The following PWWP2A variants were observed in gnomAD, a reference collection of about 807,000 sequenced individuals.
PWWP2A encodes PWWP domain containing 2A.
PWWP2A carries 18 observed loss-of-function variants against 48.5 expected under a neutral mutation model. That is an observed-to-expected ratio of 0.37 (90% CI 0.26 to 0.55). The LOEUF is 0.55. Among genes scored for constraint, PWWP2A ranks in the 20% least tolerant of loss-of-function variants. The probability of loss-of-function intolerance (pLI) is 0.81; values close to 1 mark genes in which losing one functional copy is unlikely to be tolerated. For missense variants in PWWP2A, 867 were observed against 976.4 expected (o/e 0.89, Z 1.49); for synonymous variants, 396 against 387.7 (o/e 1.02, Z -0.25).
At chr5:160,110,334 G>C (rs1188034805) in intron 1 of PWWP2A, among the ~76,000 whole-genome samples, 1 of 152,088 alleles carries the variant, frequency 6.6e-6, no homozygotes, top group African/African-American at 2.4e-5. Flanking sequence ...AATATTTGAT[G>C]ATATAAAAGG....
chr5:160,102,033 C>A (rs1756360238), intron 1 of PWWP2A, among the ~76,000 whole-genome samples: 1 of 151,328 alleles, frequency 6.6e-6, no homozygotes, highest in Admixed American at 6.6e-5. Flanking sequence ...TCACTTGAAT[C>A]CAGGAGGCAG....
intron 1 of PWWP2A, chr5:160,116,558 A>C (rs888330807): frequency 2.4e-6 from 1 of 415,794 alleles, no homozygotes; most frequent in East Asian, 1.6e-4. Context: ...CCAACAAAAG[A>C]AATTGCTGTT....
At position 160,119,316 on chromosome 5, in the gene PWWP2A, G is replaced by T. The variant is rs1323635909; in HGVS notation, c.73C>A (p.Pro25Thr). 3 of 1,387,722 alleles carry T rather than the reference G, an allele frequency of 2.2e-6. No individual in the cohort carries two copies. Among genetic ancestry groups the T allele is most frequent in the African/African-American group, 1.5e-5 (1 of 65,568 alleles). 86.0% of individuals were successfully genotyped at this position (1,387,722 alleles called of 1,614,324 possible). A position where few individuals can be genotyped will look rare whatever the true frequency, so the allele number is the denominator to read the frequency against. Residue 25 changes from proline to threonine, a missense_variant, in exon 1 of 2, where the codon CCG (proline) becomes ACG (threonine). Physicochemically the swap from Pro to Thr is conservative, Grantham distance 38. Coordinates refer to ENST00000307063, the MANE Select transcript of PWWP2A (RefSeq NM_001130864.2). ...PGEGGAGEAE[P>T]EMEPIPGSEA... is the part of the protein sequence containing the mutation. ...CTGCCGGGGATGGGCTCCATCTCCG[G>T]CTCGGCCTCGCCGGCGCCCCCCTCC...
intron 2 of PWWP2A, among the ~76,000 whole-genome samples, chr5:160,068,164 G>C (rs1163238927): frequency 6.6e-6 from 1 of 152,022 alleles, no homozygotes; most frequent in East Asian, 1.9e-4. Context: ...CTAGGTGACA[G>C]AGCAAGCCTC....
At chr5:160,114,570 C>T (rs927161896) in intron 1 of PWWP2A, among the ~76,000 whole-genome samples, 1 of 151,986 alleles carries the variant, frequency 6.6e-6, no homozygotes, top group Admixed American at 6.6e-5. Flanking sequence ...CAAAGACCAG[C>T]CTGGCCAACA....
At chr5:160,082,286 T>C (rs943918479) in intron 2 of PWWP2A, among the ~76,000 whole-genome samples, 5 of 151,402 alleles carry the variant, frequency 3.3e-5, no homozygotes, top group African/African-American at 1.2e-4. Context: ...CTACTAAAAA[T>C]ACAAAAAATT....
Position 160,078,097 on chromosome 5 carries a change from C to T in PWWP2A, c.*58G>A. The T allele has an allele frequency of 1.4e-6, 2 of 1,447,370 alleles. No homozygotes were observed. The highest frequency in any genetic ancestry group is 2.4e-5 in the South Asian group (2 of 81,922). The allele number at this position is 1,447,370 out of a possible 1,614,324, so 89.7% of individuals were successfully genotyped here. A position where few individuals can be genotyped will look rare whatever the true frequency, so the allele number is the denominator to read the frequency against. On this transcript the variant is annotated 3_prime_UTR_variant, in exon 4 of 4. Coordinates refer to the PWWP2A transcript ENST00000456329. This position sits in a 1 kb window ranked among gnomAD's most constrained non-coding sequence, Gnocchi z 4.2. ...TTAAAAACTCCAATTTCATTCAGTC[C>T]TGATGCTCTGGTGTTCTCTGTGTCA...
chr5:160,090,268 T>C (rs1033973664), downstream of PWWP2A: 5 of 985,390 alleles, frequency 5.1e-6, no homozygotes, highest in Non-Finnish European at 6.0e-6. Flanking sequence ...ATATCAGTAA[T>C]GTCTACTTCA....
In PWWP2A at chr5:160,093,903, G is replaced by A. The variant is rs760989394; in HGVS notation, c.747C>T (p.Pro249=). Residue 249 remains proline, a synonymous_variant, in exon 2 of 2, where the codon CCC becomes CCT. Coordinates refer to ENST00000307063, the MANE Select transcript of PWWP2A (RefSeq NM_001130864.2). The surrounding 1 kb of genome is among the most constrained non-coding windows in gnomAD (Gnocchi z 5.8). ...ACAGGCTTTCAGCCAAGCTCAGCTC[G>A]GGATGCGGGACAGGAGAAGGGTCAT... ...VPDDPSPVPH[P]ELSLAESLWT... is the part of the protein sequence containing the mutation. 3.2e-5 allele frequency: 52 copies of A among 1,613,916 alleles called. No individual in the cohort carries two copies. The highest frequency in any genetic ancestry group is 4.1e-5 in the Non-Finnish European group (48 of 1,179,902).
At chr5:160,070,422 A>G (rs1489333682) in intron 2 of PWWP2A, among the ~76,000 whole-genome samples, 2 of 152,160 alleles carry the variant, frequency 1.3e-5, no homozygotes, top group East Asian at 1.9e-4. Flanking sequence ...GCAGTGAGCT[A>G]TGACCGAGCC....
Position 160,077,511 on chromosome 5 carries a change from T to C in PWWP2A, c.*644A>G, listed in dbSNP as rs1426989889. The C allele has an allele frequency of 2.0e-5, 3 of 152,188 alleles. No individual in the cohort carries two copies. Among genetic ancestry groups the C allele is most frequent in the Admixed American group, 2.0e-4 (3 of 15,278 alleles). The allele number at this position is 152,188 out of a possible 1,614,324, so 9.4% of individuals were successfully genotyped here. On this transcript the variant is annotated 3_prime_UTR_variant, in exon 4 of 4. Coordinates refer to the PWWP2A transcript ENST00000456329. This position sits in a 1 kb window ranked among gnomAD's most constrained non-coding sequence, Gnocchi z 4.2. ...CTTAATATGTTCTAACAAGCAAACA[T>C]ATATTCAAGATAATACAGCCCTGCT...
In PWWP2A at chr5:160,078,784, T is replaced by G. The variant is rs1179393087; in HGVS notation, c.1670-616A>C. On this transcript the variant is annotated intron_variant, in intron 3 of 3. Coordinates refer to the PWWP2A transcript ENST00000456329. This position sits in a 1 kb window ranked among gnomAD's most constrained non-coding sequence, Gnocchi z 4.2. The stretch of plus-strand genomic sequence containing the variant: ...CATTTTGATACTAGAAGACAACACA[T>G]GTACACTGGTTAGACGGACCAGTAT... Among the ~76,000 whole-genome samples the G allele has an allele frequency of 2.0e-5, 3 of 152,136 alleles. No homozygotes were observed. Among genetic ancestry groups the G allele is most frequent in the African/African-American group, 7.2e-5 (3 of 41,424 alleles).
In PWWP2A at chr5:160,064,725, G is replaced by A. The variant is rs531775076; in HGVS notation, c.*237-1052C>T. ...ATCTATGCAAGCACAGGCTGAGGGT[G>A]GATGGCATTAAAGTGACTGCACTGC... On this transcript the variant is annotated intron_variant and NMD_transcript_variant, in intron 4 of 5. Coordinates refer to the PWWP2A transcript ENST00000524050. Among the ~76,000 whole-genome samples the A allele has an allele frequency of 2.6e-5, 4 of 152,320 alleles. No individual in the cohort carries two copies. The East Asian group carries it at 7.7e-4, about 29-fold the overall frequency.
intron 1 of PWWP2A, among the ~76,000 whole-genome samples, chr5:160,100,760 T>A (rs973464720): frequency 3.3e-5 from 5 of 152,248 alleles, no homozygotes; most frequent in African/African-American, 4.8e-5. Context: ...CATCTCTTTG[T>A]GAGACTGGTT....
chr5:160,067,657 A>G (rs112748544), intron 2 of PWWP2A, among the ~76,000 whole-genome samples: 2 of 152,336 alleles, frequency 1.3e-5, no homozygotes, highest in African/African-American at 4.8e-5. Context: ...GGGTGGGCCA[A>G]GCAGTGCATT....
At chr5:160,109,774 A>AAAATATATATATAT (rs1554104831) in intron 1 of PWWP2A, among the ~76,000 whole-genome samples, 2 of 25,226 alleles carry the variant, frequency 7.9e-5, no homozygotes, top group African/African-American at 3.0e-4. Flanking sequence ...AAAAAAAAAA[A>AAAATATATATATAT]ATATATATAT....
rs1758448291 is a variant in PWWP2A at position 160,119,060 on chromosome 5, C to A, written c.329G>T (p.Gly110Val). The change falls in exon 1 of 2, where the codon GGG becomes GTG. Residue 110 changes from glycine (G) to valine (V), a missense_variant. By Grantham distance (109) the Gly-to-Val change is moderately radical. Transcript: ENST00000307063. Reference protein sequence around the residue: ...AESAAAAPQGGPELPPSPASP... With the variant: ...AESAAAAPQGVPELPPSPASP... The stretch of plus-strand genomic sequence containing the variant: ...TGCAGGAGAAGGTGGAAGTTCCGGC[C>A]CTCCCTGAGGCGCGGCTGCCGCCGA... 2 of 1,591,888 alleles carry A rather than the reference C, an allele frequency of 1.3e-6. No individual in the cohort carries two copies. Among genetic ancestry groups the A allele is most frequent in the African/African-American group, 1.4e-5 (1 of 72,732 alleles).
chr5:160,087,967 T>G (rs1404192630), downstream of PWWP2A, among the ~76,000 whole-genome samples: 2 of 152,228 alleles, frequency 1.3e-5, no homozygotes, highest in African/African-American at 4.8e-5. Context: ...CACTGTGACT[T>G]TAAACTTCCT....
At chr5:160,082,475 C>T (rs1395578263) in intron 2 of PWWP2A, among the ~76,000 whole-genome samples, 1 of 151,944 alleles carries the variant, frequency 6.6e-6, no homozygotes, top group African/African-American at 2.4e-5. Flanking sequence ...ATCTTTTGAA[C>T]CTCTCCCTCT....
Sources: gnomAD v4.1 joint callset for allele counts (sites outside exome capture counted in the v4.1 genomes callset) on GRCh38, gnomAD v4.1.1 for gene constraint, Gnocchi (gnomAD v3.1) non-coding constraint, MANE v1.5 for transcripts, NCBI Gene and HGNC (gene_info 2026-07-23, HGNC 2026-07-21) for gene names.